Variants in ANXA6 observed in about 807,000 individuals in gnomAD.
The protein encoded by ANXA6 is annexin A6.
A neutral mutation model predicts 95.4 loss-of-function variants in ANXA6; 71 were observed. The ratio of observed to expected loss-of-function variants is 0.74; its 90% CI spans 0.61 to 0.91. The LOEUF is 0.91. ANXA6 is among the 40% of genes least tolerant of loss of function. The pLI, the probability that ANXA6 is intolerant of heterozygous loss-of-function variation, is 0.00. For missense variants in ANXA6, 830 were observed against 876.4 expected, an observed-to-expected ratio of 0.95 and a Z score of 0.67; for synonymous variants, 289 against 315.9, an observed-to-expected ratio of 0.91 and a Z score of 0.90.
In ANXA6 at chr5:151,109,755, C is replaced by T. The variant is rs1406027468; in HGVS notation, c.1682G>A (p.Arg561Lys). 1 of 1,607,624 alleles carries T rather than the reference C, an allele frequency of 6.2e-7. No individual in the cohort carries two copies. The highest frequency in any genetic ancestry group is 8.5e-7 in the Non-Finnish European group (1 of 1,176,730). ...GAAGGGAGGAGGTCAGGCCTCACCT[C>T]TCCGGAGGTGCGGATAGCTCCGGGT... ...LCTRSYPHLR[R>K]VFQEFIKMTN... is the part of the protein sequence containing the mutation. Residue 561 changes from arginine (R) to lysine (K), a missense_variant and splice_region_variant, in exon 22 of 26, where the codon AGA becomes AAA. Transcript: ENST00000354546.
chr5:151,117,228 C>T (rs1581987069), intron 19 of ANXA6, 48 bp from the exon 20 acceptor site: 1 of 1,541,316 alleles, frequency 6.5e-7, no homozygotes, highest in Non-Finnish European at 8.8e-7. Flanking sequence ...ATCGACCCAT[C>T]TCCATCTCTG....
rs565246457 is a variant in ANXA6 at position 151,101,045 on chromosome 5, C to T, written c.*403G>A. The T allele has an allele frequency of 4.5e-5, 21 of 471,674 alleles. No individual in the cohort carries two copies. The East Asian group carries it at 1.3e-3, about 29-fold the overall frequency. The allele number at this position is 471,674 out of a possible 1,614,324, so 29.2% of individuals were successfully genotyped here. A position where few individuals can be genotyped will look rare whatever the true frequency, so the allele number is the denominator to read the frequency against. ...TTTACTATCCTTCCCACCACCCCGC[C>T]CAGCACATTCAACTGGCCCCTGCCA... On this transcript the variant is annotated 3_prime_UTR_variant, in exon 26 of 26. Coordinates refer to ENST00000354546, the MANE Select transcript of ANXA6 (RefSeq NM_001155.5).
rs377675516 is a variant in ANXA6 at position 151,104,298 on chromosome 5, C to T, written c.1840-606G>A. Among the ~76,000 whole-genome samples, 5 of 152,310 alleles carry T rather than the reference C, an allele frequency of 3.3e-5. No homozygotes were observed. In the East Asian group the frequency reaches 7.7e-4, roughly 24 times the overall value. On this transcript the variant is annotated intron_variant, in intron 24 of 25. Coordinates refer to ENST00000354546, the MANE Select transcript of ANXA6 (RefSeq NM_001155.5). ...CAATTTCTGGAATGTGTTACACCAGCCCTAGGAAACTACCACCGGGCCCAA... is the reference window on the plus strand; with the variant it reads ...CAATTTCTGGAATGTGTTACACCAGTCCTAGGAAACTACCACCGGGCCCAA...
intron 15 of ANXA6, 85 bp from the exon 16 acceptor site, chr5:151,123,096 G>C: frequency 8.4e-7 from 1 of 1,189,850 alleles, no homozygotes; most frequent in South Asian, 1.2e-5. Flanking sequence ...GCCCCTCATC[G>C]ATCTTTGTCA....
At chr5:151,109,719 T>C (rs1442544129) in intron 22 of ANXA6, 34 bp downstream of exon 22, 3 of 1,530,696 alleles carry the variant, frequency 2.0e-6, no homozygotes, top group Admixed American at 1.8e-5. Flanking sequence ...GGGATCTTCC[T>C]GCTGAGCTGG....
At chr5:151,132,193 A>G (rs1052335201) in intron 10 of ANXA6, among the ~76,000 whole-genome samples, 2 of 152,164 alleles carry the variant, frequency 1.3e-5, no homozygotes, top group Non-Finnish European at 2.9e-5. Context: ...AAAGTCAACT[A>G]TTATGATCAT....
At chr5:151,137,879 G>T (rs561649394) in intron 5 of ANXA6, among the ~76,000 whole-genome samples, 1 of 152,134 alleles carries the variant, frequency 6.6e-6, no homozygotes, top group South Asian at 2.1e-4. Context: ...TCTTTATAGC[G>T]ATGTGAGAAT....
rs748237766 is a variant in ANXA6 at position 151,117,086 on chromosome 5, G to C, written c.1572+41C>G. ...GCATAAGCTGGACCTACATCTCAGG[G>C]ACACCCGGCAGAGGTGACTGGGGTG... On this transcript the variant is annotated intron_variant, in intron 20 of 25. Transcript: ENST00000354546. 6.5e-6 allele frequency: 10 copies of C among 1,531,568 alleles called. No individual in the cohort carries two copies. The East Asian group carries it at 2.2e-4, about 33-fold the overall frequency. The allele number at this position is 1,531,568 out of a possible 1,614,324, so 94.9% of individuals were successfully genotyped here.
At chr5:151,115,739 A>G (rs920879867) in intron 20 of ANXA6, among the ~76,000 whole-genome samples, 11 of 152,222 alleles carry the variant, frequency 7.2e-5, no homozygotes, top group African/African-American at 2.7e-4. Flanking sequence ...ACCCCCATCC[A>G]TGTGCCCACA....
chr5:151,153,861 C>T (rs1167628144), intron 1 of ANXA6, among the ~76,000 whole-genome samples: 1 of 152,100 alleles, frequency 6.6e-6, no homozygotes, highest in Admixed American at 6.5e-5. Context: ...ATAAGTAGAA[C>T]AGCACATGAT....
chr5:151,121,537 G>T (rs945853870), intron 17 of ANXA6, among the ~76,000 whole-genome samples: 2 of 152,156 alleles, frequency 1.3e-5, no homozygotes, highest in African/African-American at 4.8e-5. Context: ...GACCTTGATT[G>T]ACCTGTCCTA....
intron 13 of ANXA6, among the ~76,000 whole-genome samples, chr5:151,126,852 G>T (rs1329572064): frequency 6.6e-6 from 1 of 152,152 alleles, no homozygotes; most frequent in Non-Finnish European, 1.5e-5. Flanking sequence ...AAGTAGCTAG[G>T]ATTACAGGCA....
chr5:151,127,227 TCTG>T, intron 13 of ANXA6, among the ~76,000 whole-genome samples: 1 of 152,352 alleles, frequency 6.6e-6, no homozygotes, highest in East Asian at 1.9e-4. Context: ...CTCAGTAATA[TCTG>T]CTGAACTGCA....
rs565185923 is a variant in ANXA6, at chr5:151,126,451, G to A, written c.1007C>T (p.Ala336Val). The A allele has an allele frequency of 1.1e-5, 17 of 1,610,626 alleles. No homozygotes were observed. The highest frequency in any genetic ancestry group is 8.9e-5 in the East Asian group (4 of 44,764). The change falls in exon 14 of 26, where the codon GCG becomes GTG. Residue 336 changes from alanine to valine, a missense_variant. By Grantham distance (64) the Ala-to-Val change is moderately conservative. Coordinates refer to ENST00000354546, the MANE Select transcript of ANXA6 (RefSeq NM_001155.5). ...TTCCCACATCTGATAGGCCACCTGC[G>A]CTGCCTCCGGGAAGAACTGGCCAGC... ...DAAGQFFPEAAQVAYQMWELS... is the reference protein window; with the variant it reads ...DAAGQFFPEAVQVAYQMWELS...
In ANXA6 at chr5:151,121,001, C is replaced by A. The variant is rs115253176; in HGVS notation, c.1347+1146G>T. ...AAAGGATTCAGTTGGGTTACCTCAT[C>A]GATCTCTTCTATTTCTGAACCCTGT... On this transcript the variant is annotated intron_variant, in intron 17 of 25. Transcript: ENST00000354546. Among the ~76,000 whole-genome samples, 1,468 of 152,324 alleles carry A rather than the reference C, an allele frequency of 9.6e-3. 14 individuals are homozygous for A. The highest frequency in any genetic ancestry group is 0.025 in the South Asian group (119 of 4,826).
chr5:151,114,891 A>G (rs1282482583), intron 20 of ANXA6, among the ~76,000 whole-genome samples: 1 of 152,152 alleles, frequency 6.6e-6, no homozygotes, highest in Non-Finnish European at 1.5e-5. Context: ...GCAGTGTAAA[A>G]CAGGCAAATA....
chr5:151,149,086 C>A (rs112436595), intron 1 of ANXA6, among the ~76,000 whole-genome samples: 3,012 of 146,584 alleles, frequency 0.021, 99 homozygotes, highest in African/African-American at 0.072. Flanking sequence ...GAGGCTGAGG[C>A]GAGAGGATTG....
intron 11 of ANXA6, among the ~76,000 whole-genome samples, chr5:151,130,548 TG>T (rs1765466481): frequency 6.6e-6 from 1 of 152,254 alleles, no homozygotes; most frequent in Non-Finnish European, 1.5e-5. Context: ...AGCCACTGCA[TG>T]CACTCAGCCT....
intron 22 of ANXA6, among the ~76,000 whole-genome samples, chr5:151,108,986 C>G (rs1764775142): frequency 6.6e-6 from 1 of 152,216 alleles, no homozygotes; most frequent in African/African-American, 2.4e-5. Context: ...CTCACTGAGT[C>G]AGGCATTGCG....
Sources: gnomAD v4.1 joint callset for allele counts (sites outside exome capture counted in the v4.1 genomes callset) on GRCh38, gnomAD v4.1.1 for gene constraint, MANE v1.5 for transcripts, NCBI Gene and HGNC (gene_info 2026-07-23, HGNC 2026-07-21) for gene names.